Variants in DCLK2 observed in about 807,000 individuals in gnomAD.
The protein encoded by DCLK2 is serine/threonine-protein kinase DCLK2.
A neutral mutation model predicts 78.4 loss-of-function variants in DCLK2; 31 were observed. The observed-to-expected ratio is 0.40, with a 90% CI of 0.30 to 0.53. The LOEUF is 0.53. DCLK2 is among the 20% of genes least tolerant of loss of function. The pLI is 0.61. For missense variants in DCLK2, 872 were observed against 973.7 expected, an observed-to-expected ratio of 0.90 and a Z score of 1.39; for synonymous variants, 407 against 374.9, an observed-to-expected ratio of 1.09 and a Z score of -0.99.
intron 2 of DCLK2, among the ~76,000 whole-genome samples, chr4:150,128,692 G>C (rs1733084256): frequency 6.6e-6 from 1 of 152,134 alleles, no homozygotes; most frequent in African/African-American, 2.4e-5. Flanking sequence ...ATAGGAAGCA[G>C]ACATTCCTAA....
At chr4:150,194,598 A>G (rs918175971) in intron 3 of DCLK2, among the ~76,000 whole-genome samples, 1 of 152,208 alleles carries the variant, frequency 6.6e-6, no homozygotes, top group African/African-American at 2.4e-5. Flanking sequence ...ACCTGTTTAC[A>G]GTAATAGTGA....
chr4:150,183,736 T>A (rs999218388), intron 2 of DCLK2, among the ~76,000 whole-genome samples: 3 of 150,180 alleles, frequency 2.0e-5, no homozygotes, highest in Admixed American at 2.0e-4. Flanking sequence ...TTTTTCTTTT[T>A]CTTTTTTTTT....
chr4:150,140,104 G>A (rs1475003705), intron 2 of DCLK2, among the ~76,000 whole-genome samples: 1 of 152,142 alleles, frequency 6.6e-6, no homozygotes, highest in Non-Finnish European at 1.5e-5. Context: ...CTGGTATAAA[G>A]AGGGGAATGT....
chr4:150,103,025 A>G (rs1266587424), intron 2 of DCLK2, among the ~76,000 whole-genome samples: 1 of 152,140 alleles, frequency 6.6e-6, no homozygotes, highest in Non-Finnish European at 1.5e-5. Context: ...GTACCTCAAA[A>G]GTGATTATAG....
At chr4:150,230,335 C>T (rs1741946089) in intron 8 of DCLK2, among the ~76,000 whole-genome samples, 1 of 152,064 alleles carries the variant, frequency 6.6e-6, no homozygotes, top group Non-Finnish European at 1.5e-5. Flanking sequence ...ATCTTATTTA[C>T]TTCAATTTGA....
At chr4:150,226,686 T>C (rs1741644619) in intron 8 of DCLK2, among the ~76,000 whole-genome samples, 1 of 152,196 alleles carries the variant, frequency 6.6e-6, no homozygotes. Context: ...ATCTTATTTT[T>C]TCTAGTCTGT....
At chr4:150,163,318 G>T (rs1377581624) in intron 2 of DCLK2, among the ~76,000 whole-genome samples, 1 of 152,046 alleles carries the variant, frequency 6.6e-6, no homozygotes, top group African/African-American at 2.4e-5. Flanking sequence ...GAATCGCTTG[G>T]ACCTGGGAGG....
At chr4:150,159,156 G>A (rs1428623273) in intron 2 of DCLK2, among the ~76,000 whole-genome samples, 4 of 152,182 alleles carry the variant, frequency 2.6e-5, no homozygotes, top group East Asian at 1.9e-4. Context: ...TGTGCCCTCC[G>A]GAAGGACAGA....
chr4:150,162,063 C>T (rs775966274), intron 2 of DCLK2, among the ~76,000 whole-genome samples: 1 of 152,146 alleles, frequency 6.6e-6, no homozygotes, highest in Non-Finnish European at 1.5e-5. Flanking sequence ...CAGGGTCTTG[C>T]CCTGTTGCCC....
chr4:150,171,272 A>G (rs1368442310), intron 2 of DCLK2, among the ~76,000 whole-genome samples: 1 of 152,200 alleles, frequency 6.6e-6, no homozygotes, highest in African/African-American at 2.4e-5. Flanking sequence ...TGAGGTCAGG[A>G]GATTGAGACC....
chr4:150,144,755 T>C (rs901570974), intron 2 of DCLK2, among the ~76,000 whole-genome samples: 1 of 152,186 alleles, frequency 6.6e-6, no homozygotes, highest in Non-Finnish European at 1.5e-5. Context: ...CCTGCATTTT[T>C]AAAAAGATTA....
chr4:150,206,819 A>G (rs561148276), intron 5 of DCLK2, among the ~76,000 whole-genome samples: 14 of 152,286 alleles, frequency 9.2e-5, no homozygotes, highest in African/African-American at 2.9e-4. Context: ...TGAAAATTTC[A>G]TCTCATTACA....
At chr4:150,190,244 T>TAGACAGATAGAC (rs766334131) in intron 2 of DCLK2, among the ~76,000 whole-genome samples, 4 of 64,356 alleles carry the variant, frequency 6.2e-5, no homozygotes, top group Non-Finnish European at 1.1e-4. Context: ...GTTAGATAGA[T>TAGACAGATAGAC]AGATAGATAG....
intron 5 of DCLK2, 34 bp from the exon 6 acceptor site, chr4:150,220,669 A>T: frequency 6.4e-7 from 1 of 1,566,314 alleles, no homozygotes; most frequent in Non-Finnish European, 8.8e-7. Flanking sequence ...TTTGTAAATT[A>T]TCCTGATAAA....
At chr4:150,092,752 T>G (rs986954157) in intron 1 of DCLK2, among the ~76,000 whole-genome samples, 4 of 152,192 alleles carry the variant, frequency 2.6e-5, no homozygotes, top group African/African-American at 7.2e-5. Context: ...CAACATGTTT[T>G]CATGATGAAA....
At chr4:150,205,242 T>A (rs1739765304) in intron 5 of DCLK2, among the ~76,000 whole-genome samples, 1 of 152,154 alleles carries the variant, frequency 6.6e-6, no homozygotes, top group Non-Finnish European at 1.5e-5. Context: ...GGTCTGTGCT[T>A]CCCCACTTCT....
chr4:150,131,410 A>G (rs555291019), intron 2 of DCLK2, among the ~76,000 whole-genome samples: 36 of 152,310 alleles, frequency 2.4e-4, no homozygotes, highest in South Asian at 1.5e-3. Flanking sequence ...TGTATGAAGA[A>G]AAACTATTGT....
At chr4:150,216,345 A>G (rs1255480502) in intron 5 of DCLK2, among the ~76,000 whole-genome samples, 1 of 152,216 alleles carries the variant, frequency 6.6e-6, no homozygotes, top group East Asian at 1.9e-4. Flanking sequence ...TCTTTTTTAA[A>G]AAGTTCTCAG....
chr4:150,117,154 C>G (rs1732156002), intron 2 of DCLK2, among the ~76,000 whole-genome samples: 1 of 152,132 alleles, frequency 6.6e-6, no homozygotes, highest in South Asian at 2.1e-4. Context: ...GGTCAGTTCT[C>G]TGGCTACTGG....
Sources: gnomAD v4.1 joint callset for allele counts (sites outside exome capture counted in the v4.1 genomes callset) on GRCh38, gnomAD v4.1.1 for gene constraint, MANE v1.5 for transcripts, NCBI Gene and HGNC (gene_info 2026-07-23, HGNC 2026-07-21) for gene names.